Variants in ARHGEF10 observed in about 807,000 individuals in gnomAD.
The protein encoded by ARHGEF10 is Rho guanine nucleotide exchange factor (GEF) 10.
In ARHGEF10, 140 loss-of-function variants were observed where a neutral mutation model predicts 147.4. The ratio of observed to expected loss-of-function variants is 0.95; its 90% confidence interval spans 0.83 to 1.09. The LOEUF is 1.09. ARHGEF10 is among the 50% of genes least tolerant of loss of function. The pLI is 0.00. For missense variants in ARHGEF10, 2,222 were observed against 1,752.7 expected, an observed-to-expected ratio of 1.27 and a Z score of -4.78; for synonymous variants, 902 against 695.8, an observed-to-expected ratio of 1.30 and a Z score of -4.67.
intron 1 of ARHGEF10, among the ~76,000 whole-genome samples, chr8:1,834,999 C>T (rs1018197811): frequency 2.0e-5 from 3 of 152,246 alleles, no homozygotes; most frequent in African/African-American, 4.8e-5. Context: ...CTGCATCATT[C>T]GCCAAGCGGG....
chr8:1,885,520 T>A (rs1808579818), intron 10 of ARHGEF10, 81 bp from the exon 11 acceptor site: 1 of 1,001,296 alleles, frequency 1.0e-6, no homozygotes, highest in East Asian at 2.6e-5. Flanking sequence ...AAATATTTAT[T>A]TGACTTTTTT....
intron 2 of ARHGEF10, among the ~76,000 whole-genome samples, chr8:1,847,299 A>T (rs1199914413): frequency 6.6e-6 from 1 of 152,190 alleles, no homozygotes; most frequent in Non-Finnish European, 1.5e-5. Flanking sequence ...AGGATTTGAC[A>T]AGTTAGCATT....
intron 23 of ARHGEF10, chr8:1,926,712 G>A: frequency 1.8e-6 from 1 of 561,244 alleles, no homozygotes; most frequent in Non-Finnish European, 3.2e-6. Flanking sequence ...ATAAAGTTGA[G>A]TCCAGAGACA....
chr8:1,874,666 G>T (rs564279219), intron 7 of ARHGEF10, among the ~76,000 whole-genome samples: 11 of 151,906 alleles, frequency 7.2e-5, no homozygotes, highest in African/African-American at 2.7e-4. Context: ...ACCAGGGTGT[G>T]TAGGGGGTAG....
At chr8:1,898,096 G>A (rs1019290419) in intron 14 of ARHGEF10, among the ~76,000 whole-genome samples, 3 of 152,136 alleles carry the variant, frequency 2.0e-5, no homozygotes, top group East Asian at 1.9e-4. Flanking sequence ...CCATGGCACC[G>A]GAAGAGGTTG....
At chr8:1,956,711 A>T in intron 28 of ARHGEF10, 38 bp from the exon 29 acceptor site, 1 of 1,613,218 alleles carries the variant, frequency 6.2e-7, no homozygotes, top group Non-Finnish European at 8.5e-7. Flanking sequence ...AATTTTGCCT[A>T]TTTTAAAAGA....
intron 14 of ARHGEF10, among the ~76,000 whole-genome samples, chr8:1,898,084 G>A (rs1585448464): frequency 6.6e-6 from 1 of 152,142 alleles, no homozygotes; most frequent in Admixed American, 6.5e-5. Flanking sequence ...ACGTCTTTCT[G>A]CCCATGGCAC....
chr8:1,945,759 C>G, intron 27 of ARHGEF10, 104 bp downstream of exon 27: 1 of 1,486,718 alleles, frequency 6.7e-7, no homozygotes, highest in Non-Finnish European at 9.4e-7. Flanking sequence ...GTGCAGGACA[C>G]TGTTCACAAC....
chr8:1,877,908 C>T (rs988758908), intron 8 of ARHGEF10, among the ~76,000 whole-genome samples: 4 of 151,942 alleles, frequency 2.6e-5, no homozygotes, highest in East Asian at 1.9e-4. Flanking sequence ...TGTCGATAAC[C>T]GGTGTTATCC....
intron 27 of ARHGEF10, among the ~76,000 whole-genome samples, chr8:1,949,546 G>A (rs1191844944): frequency 6.6e-6 from 1 of 152,156 alleles, no homozygotes; most frequent in Non-Finnish European, 1.5e-5. Context: ...GTTCAAAGGA[G>A]GATATTTTTG....
In ARHGEF10 at chr8:1,928,382, C is replaced by T. The variant is rs762407964; in HGVS notation, c.2698-45C>T. On this transcript the variant is annotated intron_variant, in intron 23 of 28. Transcript: ENST00000349830. ...TCAGGTTCCAGCGTATTATGGAAGC[C>T]GCCACATGGTCGTTTTCTTCTTTCC... The T allele has an allele frequency of 5.4e-5, 86 of 1,586,332 alleles. 1 individual carries two copies. In the South Asian group the frequency reaches 6.4e-4, roughly 12 times the overall value.
intron 28 of ARHGEF10, among the ~76,000 whole-genome samples, chr8:1,955,128 GCACTCT>G (rs1815401871): frequency 8.4e-6 from 1 of 119,242 alleles, no homozygotes; most frequent in Admixed American, 8.1e-5. Flanking sequence ...GAAAGGAGGT[GCACTCT>G]CACTGTTCCT....
intron 26 of ARHGEF10, among the ~76,000 whole-genome samples, chr8:1,944,088 T>TGGGGA (rs1563322149): frequency 6.6e-6 from 1 of 150,664 alleles, no homozygotes; most frequent in African/African-American, 2.4e-5. Context: ...GTCACCTCCC[T>TGGGGA]CGGGACCCCA....
intron 11 of ARHGEF10, among the ~76,000 whole-genome samples, chr8:1,886,996 T>C (rs1808718028): frequency 6.6e-6 from 1 of 152,154 alleles, no homozygotes; most frequent in Non-Finnish European, 1.5e-5. Flanking sequence ...CTCACCCACC[T>C]CACTTCATGC....
At chr8:1,845,673 T>C (rs1804502264) in intron 2 of ARHGEF10, among the ~76,000 whole-genome samples, 1 of 152,196 alleles carries the variant, frequency 6.6e-6, no homozygotes, top group Admixed American at 6.5e-5. Context: ...GCTGACGTCG[T>C]CATCAGTCCT....
intron 26 of ARHGEF10, 69 bp from the exon 27 acceptor site, chr8:1,945,412 C>T (rs777146560): frequency 6.3e-5 from 97 of 1,534,902 alleles, no homozygotes; most frequent in Non-Finnish European, 7.9e-5. Context: ...CTGGACGCCA[C>T]GTGGACCCAA....
At chr8:1,832,243 G>A (rs1045308783) in intron 1 of ARHGEF10, among the ~76,000 whole-genome samples, 9 of 151,950 alleles carry the variant, frequency 5.9e-5, no homozygotes, top group Middle Eastern at 3.2e-3. Flanking sequence ...TGCGGTGGGC[G>A]GGGGGCGCGT....
chr8:1,947,459 G>A lies in ARHGEF10; in HGVS notation c.3397+1804G>A, dbSNP rs180723352. Among the ~76,000 whole-genome samples the A allele has an allele frequency of 1.4e-3, 208 of 152,334 alleles. No individual in the cohort carries two copies. The highest frequency in any genetic ancestry group is 0.01 in the Middle Eastern group (3 of 294). ...ATCAGAAAGAAACTCCTAATCAAGG[G>A]AAGGCTCTGGCAAGTGTGAGTGGAG... On this transcript the variant is annotated intron_variant, in intron 27 of 28. Transcript: ENST00000349830.
chr8:1,868,547 C>G (rs1028236081), intron 6 of ARHGEF10, among the ~76,000 whole-genome samples: 1 of 152,214 alleles, frequency 6.6e-6, no homozygotes, highest in Non-Finnish European at 1.5e-5. Context: ...GCTTACAGAA[C>G]TTGCCTTCTT....
Sources: allele counts gnomAD v4.1 joint callset (sites outside exome capture counted in the v4.1 genomes callset), GRCh38; gene constraint gnomAD v4.1.1; transcripts MANE v1.5; gene names NCBI Gene and HGNC (gene_info 2026-07-23, HGNC 2026-07-21).